Variants in PIWIL1 observed in about 807,000 individuals in gnomAD.
PIWIL1 encodes piwi-like protein 1.
In PIWIL1, 73 loss-of-function variants were observed where a neutral mutation model predicts 114.4. The ratio of observed to expected loss-of-function variants is 0.64; its 90% confidence interval spans 0.53 to 0.78. The LOEUF is 0.78. Ranked by LOEUF, PIWIL1 falls within the 30% of genes least tolerant of loss-of-function variation. The pLI, the probability that PIWIL1 is intolerant of heterozygous loss-of-function variation, is 0.00. For synonymous variants in PIWIL1, 375 were observed against 369.0 expected (o/e 1.02, Z -0.19); for missense variants, 723 against 1,063.1 (o/e 0.68, Z 4.45).
chr12:130,367,292 C>G (rs770175757), intron 19 of PIWIL1, 34 bp downstream of exon 19: 1 of 1,586,394 alleles, frequency 6.3e-7, no homozygotes, highest in Admixed American at 1.7e-5. Context: ...AGGTTGTTTT[C>G]TCCTTGGTGG....
the PIWIL1 span, among the ~76,000 whole-genome samples, chr12:130,409,202 C>T: frequency 3.6e-4 from 55 of 152,118 alleles, no homozygotes; most frequent in Non-Finnish European, 6.8e-4. Context: ...AGAAACCCCA[C>T]AACAATCAAG....
chr12:130,417,133 T>C, the PIWIL1 span, among the ~76,000 whole-genome samples: 1 of 152,100 alleles, frequency 6.6e-6, no homozygotes, highest in Non-Finnish European at 1.5e-5. Context: ...AAAATGTATA[T>C]ACCATTGGAG....
At chr12:130,400,552 G>C in the PIWIL1 span, among the ~76,000 whole-genome samples, 1 of 152,112 alleles carries the variant, frequency 6.6e-6, no homozygotes, top group Non-Finnish European at 1.5e-5. Flanking sequence ...TGCCCATAAA[G>C]TGCCTAAACC....
chr12:130,411,373 G>C, the PIWIL1 span, among the ~76,000 whole-genome samples: 2 of 152,094 alleles, frequency 1.3e-5, no homozygotes, highest in African/African-American at 4.8e-5. Flanking sequence ...CCCTGGTTAT[G>C]ACCTCCAGTA....
chr12:130,359,333 C>T (rs1247533936), intron 14 of PIWIL1, among the ~76,000 whole-genome samples: 4 of 152,170 alleles, frequency 2.6e-5, no homozygotes, highest in Admixed American at 6.5e-5. Flanking sequence ...CTTCCTGGTC[C>T]ATAGTGGAAG....
At chr12:130,382,817 C>G in the PIWIL1 span, among the ~76,000 whole-genome samples, 5 of 152,104 alleles carry the variant, frequency 3.3e-5, no homozygotes, top group Admixed American at 3.3e-4. Context: ...GCCTTAAACT[C>G]TACATAGTTT....
At chr12:130,380,174 A>G in the PIWIL1 span, among the ~76,000 whole-genome samples, 2 of 124,976 alleles carry the variant, frequency 1.6e-5, no homozygotes, top group Non-Finnish European at 3.2e-5. Context: ...AGTTCCTTCA[A>G]CTCCCTCATC....
At chr12:130,423,922 G>A in the PIWIL1 span, among the ~76,000 whole-genome samples, 1 of 152,054 alleles carries the variant, frequency 6.6e-6, no homozygotes, top group Non-Finnish European at 1.5e-5. Context: ...CTGATTCTGG[G>A]GGGTGGAAAT....
At chr12:130,396,324 T>C in the PIWIL1 span, 1 of 152,600 alleles carries the variant, frequency 6.6e-6, no homozygotes, top group Non-Finnish European at 1.5e-5. Context: ...TTATAAACCG[T>C]CCATAAATTA....
At position 130,360,794 on chromosome 12, in the gene PIWIL1, C is replaced by T. The variant is rs561513974; in HGVS notation, c.1666-386C>T. Among the ~76,000 whole-genome samples, 7 of 152,308 alleles carry T rather than the reference C, an allele frequency of 4.6e-5. No homozygotes were observed. The East Asian group carries it at 1.3e-3, about 29-fold the overall frequency. Reference sequence around the variant, plus strand: ...AGATTCTCAATCCAGAGCTTTAAAGCTTACAAGTTACAATTGTAGATGAAT... The same window carrying T: ...AGATTCTCAATCCAGAGCTTTAAAGTTTACAAGTTACAATTGTAGATGAAT... On this transcript the variant is annotated intron_variant, in intron 14 of 20. Coordinates refer to ENST00000245255, the MANE Select transcript of PIWIL1 (RefSeq NM_004764.5).
the PIWIL1 span, among the ~76,000 whole-genome samples, chr12:130,391,054 G>C: frequency 1.3e-5 from 2 of 152,172 alleles, no homozygotes; most frequent in South Asian, 2.1e-4. Flanking sequence ...CTCTTCTGTC[G>C]TGTGGATCGC....
chr12:130,338,337 C>G, intron 1 of PIWIL1, 191 bp downstream of exon 1: 1 of 176,728 alleles, frequency 5.7e-6, no homozygotes, highest in South Asian at 4.2e-5. Flanking sequence ...GAGCCGGGTG[C>G]GGGGGCGAGG....
chr12:130,351,891 C>T (rs919617115), intron 9 of PIWIL1, among the ~76,000 whole-genome samples: 7 of 152,176 alleles, frequency 4.6e-5, no homozygotes, highest in Non-Finnish European at 8.8e-5. Flanking sequence ...TTCCCCTTCC[C>T]CCCAGAAGTG....
rs767140307 is a variant in PIWIL1 at position 130,349,229 on chromosome 12, C to T, written c.735-10C>T. On this transcript the variant is annotated splice_polypyrimidine_tract_variant and intron_variant, in intron 7 of 20. Coordinates refer to ENST00000245255, the MANE Select transcript of PIWIL1 (RefSeq NM_004764.5). ...GAGAGGTTCTTCATGACCCCCATCT[C>T]GTCTGACAGGTTGGTGATTTGGCCT... 5.6e-6 allele frequency: 9 copies of T among 1,608,696 alleles called. No individual in the cohort carries two copies. The highest frequency in any genetic ancestry group is 4.0e-5 in the African/African-American group (3 of 74,846).
the PIWIL1 span, chr12:130,424,810 C>A: frequency 2.7e-5 from 33 of 1,232,584 alleles, no homozygotes; most frequent in Non-Finnish European, 3.3e-5. The surrounding 1 kb of genome is among the most constrained non-coding windows in gnomAD (Gnocchi z 9.8). Context: ...TGGGGAAACT[C>A]GGGCTGCTCC....
intron 1 of PIWIL1, among the ~76,000 whole-genome samples, chr12:130,340,345 C>T (rs1029409096): frequency 6.6e-6 from 1 of 151,928 alleles, no homozygotes; most frequent in Non-Finnish European, 1.5e-5. Context: ...CACCAGGGAC[C>T]GATTTCCTGG....
the PIWIL1 span, chr12:130,399,890 A>G: frequency 6.7e-7 from 1 of 1,492,722 alleles, no homozygotes; most frequent in Non-Finnish European, 9.2e-7. Flanking sequence ...AAAGGAATAC[A>G]GCTCAGAGTA....
At chr12:130,413,164 A>G in the PIWIL1 span, among the ~76,000 whole-genome samples, 1 of 152,196 alleles carries the variant, frequency 6.6e-6, no homozygotes, top group African/African-American at 2.4e-5. Flanking sequence ...TCTGCCTGAA[A>G]TGGGTTCCTA....
At chr12:130,360,416 A>C (rs1401782281) in intron 14 of PIWIL1, among the ~76,000 whole-genome samples, 4 of 152,192 alleles carry the variant, frequency 2.6e-5, no homozygotes, top group African/African-American at 9.7e-5. Flanking sequence ...CAGGCGGATC[A>C]CAAGTCAGGA....
Sources: allele counts gnomAD v4.1 joint callset (sites outside exome capture counted in the v4.1 genomes callset), GRCh38; gene constraint gnomAD v4.1.1; non-coding constraint Gnocchi (gnomAD v3.1); transcripts MANE v1.5; gene names NCBI Gene and HGNC (gene_info 2026-07-23, HGNC 2026-07-21).